Variants in GPC6 observed in about 807,000 individuals in gnomAD.
GPC6 encodes glypican-6.
GPC6 carries 14 observed loss-of-function variants against 55.2 expected under a neutral mutation model. That is an observed-to-expected ratio of 0.25 (90% CI 0.17 to 0.40). The LOEUF (loss-of-function observed/expected upper bound fraction) is 0.40, where lower values mean the gene tolerates loss of function less well. Ranked by LOEUF, GPC6 falls within the 10% of genes least tolerant of loss-of-function variation. GPC6 has a pLI of 1.00. For synonymous variants in GPC6, 278 were observed against 259.6 expected, an observed-to-expected ratio of 1.07 and a Z score of -0.68; for missense variants, 641 against 708.5, an observed-to-expected ratio of 0.90 and a Z score of 1.08.
chr13:94,110,315 A>T (rs1348303109), intron 4 of GPC6, among the ~76,000 whole-genome samples: 1 of 152,110 alleles, frequency 6.6e-6, no homozygotes, highest in Admixed American at 6.6e-5. Context: ...CAGGAGAGGC[A>T]TGTAGAATTA....
intron 1 of GPC6, among the ~76,000 whole-genome samples, chr13:93,531,936 T>C (rs1279752299): frequency 6.6e-6 from 1 of 152,114 alleles, no homozygotes; most frequent in East Asian, 1.9e-4. Context: ...TAAGGAAAAA[T>C]GCTGCTTTGC....
At chr13:93,426,143 T>A (rs1289545304) in intron 1 of GPC6, among the ~76,000 whole-genome samples, 1 of 152,198 alleles carries the variant, frequency 6.6e-6, no homozygotes, top group Non-Finnish European at 1.5e-5. Flanking sequence ...ACATTACTAG[T>A]AGTGATGAAA....
chr13:94,359,401 G>A (rs977794311), intron 6 of GPC6, among the ~76,000 whole-genome samples: 2 of 152,000 alleles, frequency 1.3e-5, no homozygotes. Context: ...CTTCTAATGA[G>A]AAAAATACAA....
intron 2 of GPC6, among the ~76,000 whole-genome samples, chr13:93,710,688 T>TC (rs150119808): frequency 0.029 from 4,065 of 141,052 alleles, 146 homozygotes; most frequent in African/African-American, 0.094. Context: ...TCATTTAAAG[T>TC]CCCCCCCCCC....
rs945662541 is a variant in GPC6 at position 94,406,907 on chromosome 13, C to T, written c.*3690C>T. The T allele has an allele frequency of 4.6e-5, 7 of 152,088 alleles. No individual in the cohort carries two copies. Among genetic ancestry groups the T allele is most frequent in the East Asian group, 1.9e-4 (1 of 5,200 alleles). 9.4% of individuals were successfully genotyped at this position (152,088 alleles called of 1,614,324 possible). On this transcript the variant is annotated 3_prime_UTR_variant, in exon 9 of 9. Coordinates refer to ENST00000377047, the MANE Select transcript of GPC6 (RefSeq NM_005708.5). ...AAACACATTTCCATTTACTTACTAA[C>T]GAACAGACCTGATTTTTATTTAAAA...
intron 3 of GPC6, among the ~76,000 whole-genome samples, chr13:94,008,732 A>G (rs1313553500): frequency 1.3e-5 from 2 of 152,194 alleles, no homozygotes; most frequent in Non-Finnish European, 2.9e-5. Flanking sequence ...ACAACATTAC[A>G]TTAGTCTTAT....
chr13:93,532,525 C>T (rs1881907192), intron 1 of GPC6, among the ~76,000 whole-genome samples: 1 of 152,100 alleles, frequency 6.6e-6, no homozygotes, highest in South Asian at 2.1e-4. Flanking sequence ...TTATAACATA[C>T]CAAGGCCAAG....
At chr13:93,984,606 T>C (rs1439669909) in intron 3 of GPC6, among the ~76,000 whole-genome samples, 1 of 152,226 alleles carries the variant, frequency 6.6e-6, no homozygotes, top group African/African-American at 2.4e-5. Context: ...GTATGATCTA[T>C]GTAAGTGAAG....
intron 4 of GPC6, among the ~76,000 whole-genome samples, chr13:94,045,345 A>C (rs1046709542): frequency 6.6e-6 from 1 of 151,950 alleles, no homozygotes; most frequent in East Asian, 1.9e-4. Flanking sequence ...CCAAATGTCA[A>C]TATTTTGCTA....
chr13:93,984,720 G>C (rs1312708162), intron 3 of GPC6, among the ~76,000 whole-genome samples: 1 of 152,116 alleles, frequency 6.6e-6, no homozygotes, highest in Non-Finnish European at 1.5e-5. Context: ...AGGGGAAAAA[G>C]TATTTCTAAA....
chr13:93,775,814 C>A (rs1472870336), intron 2 of GPC6, among the ~76,000 whole-genome samples: 1 of 152,016 alleles, frequency 6.6e-6, no homozygotes, highest in Non-Finnish European at 1.5e-5. Flanking sequence ...GTCGTCTAAA[C>A]AAACCAATTT....
intron 4 of GPC6, among the ~76,000 whole-genome samples, chr13:94,191,919 TTG>T (rs988396415): frequency 6.6e-6 from 1 of 152,170 alleles, no homozygotes; most frequent in African/African-American, 2.4e-5. Flanking sequence ...GAGAAGAAGC[TTG>T]TGTGCTGGAT....
chr13:94,069,078 C>T (rs1884637148), intron 4 of GPC6, among the ~76,000 whole-genome samples: 1 of 152,156 alleles, frequency 6.6e-6, no homozygotes, highest in Non-Finnish European at 1.5e-5. Flanking sequence ...CATGAGGGAC[C>T]CACCCCTGCA....
At chr13:94,250,312 G>T (rs1249426302) in intron 4 of GPC6, among the ~76,000 whole-genome samples, 2 of 152,142 alleles carry the variant, frequency 1.3e-5, no homozygotes, top group African/African-American at 4.8e-5. Flanking sequence ...AATATCAAGA[G>T]ATCAAATACA....
chr13:93,393,127 T>TATATATATAGAGAGAG (rs1230857277), intron 1 of GPC6, among the ~76,000 whole-genome samples: 3 of 87,612 alleles, frequency 3.4e-5, no homozygotes, highest in South Asian at 7.9e-4. Flanking sequence ...TATATATATA[T>TATATATATAGAGAGAG]AGAGAGAGAG....
intron 1 of GPC6, among the ~76,000 whole-genome samples, chr13:93,343,036 GTC>G (rs1880312353): frequency 6.6e-6 from 1 of 151,952 alleles, no homozygotes; most frequent in Non-Finnish European, 1.5e-5. Context: ...TCTTTTGCAG[GTC>G]TCTCTTATCT....
intron 3 of GPC6, among the ~76,000 whole-genome samples, chr13:93,959,725 A>G (rs1421943201): frequency 2.0e-5 from 3 of 152,168 alleles, no homozygotes; most frequent in Admixed American, 2.0e-4. Flanking sequence ...GTCAGCCAGA[A>G]TCCTTCTTAG....
At chr13:94,109,615 A>G (rs1317612400) in intron 4 of GPC6, among the ~76,000 whole-genome samples, 1 of 152,140 alleles carries the variant, frequency 6.6e-6, no homozygotes, top group Non-Finnish European at 1.5e-5. Flanking sequence ...TATTTCTGGA[A>G]ACAGGGTCTG....
intron 2 of GPC6, among the ~76,000 whole-genome samples, chr13:93,547,783 A>T (rs1319248848): frequency 1.3e-5 from 2 of 150,596 alleles, no homozygotes; most frequent in Non-Finnish European, 2.9e-5. Context: ...AAGCACTTAG[A>T]CTTAATAATA....
Sources: allele counts gnomAD v4.1 joint callset (sites outside exome capture counted in the v4.1 genomes callset), GRCh38; gene constraint gnomAD v4.1.1; transcripts MANE v1.5; gene names NCBI Gene and HGNC (gene_info 2026-07-23, HGNC 2026-07-21).